SYNGR1: variants seen among roughly 807,000 people sequenced by gnomAD.
SYNGR1 encodes the protein synaptogyrin 1, also known as synaptogyrin-1.
In SYNGR1, 14 loss-of-function variants were observed where a neutral mutation model predicts 26.1. The observed-to-expected ratio is 0.54, with a 90% CI of 0.35 to 0.84. SYNGR1 has a LOEUF of 0.84. SYNGR1 is among the 40% of genes least tolerant of loss of function. SYNGR1 has a pLI of 0.01. For synonymous variants in SYNGR1, 141 were observed against 150.1 expected (o/e 0.94, Z 0.44); for missense variants, 319 against 332.9 (o/e 0.96, Z 0.33).
chr22:39,374,779 A>G (rs1925199808), intron 2 of SYNGR1: 2 of 595,238 alleles, frequency 3.4e-6, no homozygotes, highest in Admixed American at 5.9e-5. Context: ...GGGAGCGTGG[A>G]TGGGATTCTA....
chr22:39,350,494 C>G lies in SYNGR1; in HGVS notation c.99+385C>G, dbSNP rs1413622138. 6.6e-6 allele frequency among the ~76,000 whole-genome samples: 1 copy of G among 152,018 alleles called. No individual in the cohort carries two copies. The highest frequency in any genetic ancestry group is 6.6e-5 in the Admixed American group (1 of 15,264). On this transcript the variant is annotated intron_variant, in intron 1 of 3. Transcript: ENST00000328933. This position sits in a 1 kb window ranked among gnomAD's most constrained non-coding sequence, Gnocchi z 4.3. ...GGGACGGAGCCAGGGTTTAAGGTGGCCTTTTTTGGGGGGTGGATCAGGGCG... is the reference window on the plus strand; with the variant it reads ...GGGACGGAGCCAGGGTTTAAGGTGGGCTTTTTTGGGGGGTGGATCAGGGCG...
chr22:39,364,064 TGGGTCCTAGGC>T (rs1924617315), intron 1 of SYNGR1: 5 of 1,490,392 alleles, frequency 3.4e-6, no homozygotes, highest in Non-Finnish European at 4.6e-6. Context: ...CGCCCTGCAG[TGGGTCCTAGGC>T]ACACCCTGGG....
chr22:39,376,407 T>C (rs1925286765), intron 3 of SYNGR1, among the ~76,000 whole-genome samples: 1 of 152,038 alleles, frequency 6.6e-6, no homozygotes, highest in Non-Finnish European at 1.5e-5. Context: ...GCATGGTCAC[T>C]GGAGATGGCA....
chr22:39,351,342 CGAAG>C (rs1255673127), intron 1 of SYNGR1, among the ~76,000 whole-genome samples: 1 of 152,134 alleles, frequency 6.6e-6, no homozygotes, highest in East Asian at 1.9e-4. Flanking sequence ...CCCTGGTCTG[CGAAG>C]GATGACCCCA....
In SYNGR1 at chr22:39,365,844, T is replaced by TC. The variant is rs1395829724; in HGVS notation, c.100-8472_100-8471insC. 9.9e-5 allele frequency among the ~76,000 whole-genome samples: 15 copies of TC among 151,928 alleles called. 1 individual carries two copies. The highest frequency in any genetic ancestry group is 3.4e-4 in the African/African-American group (14 of 41,370). ...CCCATCTGCTCTTTTTCTTTTTTTT[T>TC]TCTTTTTCACACCTGGCTAATTTTT... On this transcript the variant is annotated intron_variant, in intron 1 of 3. Coordinates refer to ENST00000328933, the MANE Select transcript of SYNGR1 (RefSeq NM_004711.5).
chr22:39,384,353 G>T lies in SYNGR1; in HGVS notation c.*2439G>T, dbSNP rs953171788. ...AGGCCCTGCCTGCCACCCTAGGCAG[G>T]GAAAGCTGTCAAGACTCCTGCCAGG... On this transcript the variant is annotated 3_prime_UTR_variant, in exon 4 of 4. Transcript: ENST00000328933. The T allele has an allele frequency of 7.6e-6, 3 of 396,842 alleles. No individual in the cohort carries two copies. Among genetic ancestry groups the T allele is most frequent in the Non-Finnish European group, 1.3e-5 (3 of 225,374 alleles). 24.6% of individuals were successfully genotyped at this position (396,842 alleles called of 1,614,324 possible).
chr22:39,381,917 C>G lies in SYNGR1; in HGVS notation c.*3C>G. 2 of 1,605,086 alleles carry G rather than the reference C, an allele frequency of 1.2e-6. No homozygotes were observed. Among genetic ancestry groups the G allele is most frequent in the Non-Finnish European group, 1.7e-6 (2 of 1,176,344 alleles). ...GCTACCAGTCGCAGGGCTACTGAGC[C>G]ACAGTGACCGCCTGCCCCCGCCCCT... On this transcript the variant is annotated 3_prime_UTR_variant, in exon 4 of 4. Transcript: ENST00000328933.
At chr22:39,370,691 C>T (rs1451594461) in intron 1 of SYNGR1, among the ~76,000 whole-genome samples, 3 of 151,068 alleles carry the variant, frequency 2.0e-5, no homozygotes, top group Admixed American at 2.0e-4. Flanking sequence ...AATCTCAGCT[C>T]ACGGCAACCT....
chr22:39,355,891 C>T (rs576244457), intron 1 of SYNGR1, among the ~76,000 whole-genome samples: 4 of 152,200 alleles, frequency 2.6e-5, no homozygotes, highest in Non-Finnish European at 2.9e-5. Context: ...TGGTGGCACG[C>T]GTCTGTAGTC....
chr22:39,376,971 T>C, intron 3 of SYNGR1: 1 of 1,550,290 alleles, frequency 6.5e-7, no homozygotes, highest in East Asian at 2.4e-5. Flanking sequence ...TTCCCACTGG[T>C]CTGGGTCATG....
rs78665292 is a variant in SYNGR1, at chr22:39,376,075, G to A, written c.361G>A (p.Val121Met). 89 of 1,614,050 alleles carry A rather than the reference G, an allele frequency of 5.5e-5. No homozygotes were observed. Among genetic ancestry groups the A allele is most frequent in the East Asian group, 4.0e-4 (18 of 44,894 alleles). ...AGCCTTCTGGGCTTTCCTCTGGTTC[G>A]TGGGATTCTGCTACCTGGCCAACCA... is the stretch of plus-strand genomic sequence containing the variant. ...VSAFWAFLWF[V>M]GFCYLANQWQ... Residue 121 changes from valine (V) to methionine (M), a missense_variant, in exon 3 of 4, where the codon GTG becomes ATG. Val to Met is a conservative substitution (Grantham distance 21). Coordinates refer to ENST00000328933, the MANE Select transcript of SYNGR1 (RefSeq NM_004711.5).
At position 39,353,087 on chromosome 22, in the gene SYNGR1, C is replaced by A. The variant is rs370359053; in HGVS notation, c.99+2978C>A. 3.1e-3 allele frequency among the ~76,000 whole-genome samples: 470 copies of A among 152,340 alleles called. 1 individual carries two copies. The highest frequency in any genetic ancestry group is 0.011 in the African/African-American group (446 of 41,586). ...ATGTTAGCCAGGCTGGTCTCGAACT[C>A]CTGACCTCAGGTGATCCACCTGCCT... On this transcript the variant is annotated intron_variant, in intron 1 of 3. Transcript: ENST00000328933.
chr22:39,371,872 AT>A (rs1430949549), intron 1 of SYNGR1, among the ~76,000 whole-genome samples: 6 of 151,744 alleles, frequency 4.0e-5, no homozygotes, highest in Non-Finnish European at 8.8e-5. Flanking sequence ...TGTGTTAACA[AT>A]AGCTGAGCCT....
At chr22:39,374,220 G>A (rs942924051) in intron 1 of SYNGR1, 96 bp from the exon 2 acceptor site, 12 of 1,147,196 alleles carry the variant, frequency 1.0e-5, no homozygotes, top group Non-Finnish European at 1.6e-5. Flanking sequence ...GCTCACGGAG[G>A]GCCAGGCAGC....
At chr22:39,361,315 G>A (rs901148853) in intron 1 of SYNGR1, among the ~76,000 whole-genome samples, 3 of 152,024 alleles carry the variant, frequency 2.0e-5, no homozygotes, top group Non-Finnish European at 4.4e-5. Flanking sequence ...GCAGGCACTG[G>A]GGTGAGGAAA....
intron 1 of SYNGR1, among the ~76,000 whole-genome samples, chr22:39,359,296 C>T (rs562147563): frequency 6.6e-6 from 1 of 152,166 alleles, no homozygotes; most frequent in South Asian, 2.1e-4. Flanking sequence ...TCATGATGAG[C>T]CAGCTCGAGG....
At chr22:39,374,820 G>C (rs367778303) in intron 2 of SYNGR1, 16 of 538,466 alleles carry the variant, frequency 3.0e-5, no homozygotes, top group South Asian at 1.8e-4. Flanking sequence ...CCCATGGATG[G>C]CACTGGGCAT....
chr22:39,359,944 G>A (rs974936363), intron 1 of SYNGR1, among the ~76,000 whole-genome samples: 3 of 151,900 alleles, frequency 2.0e-5, no homozygotes, highest in Non-Finnish European at 4.4e-5. Flanking sequence ...TTGGGCCTGG[G>A]GCCTCTGAAC....
rs749589185 is a variant in SYNGR1 at position 39,376,126 on chromosome 22, A to G, written c.412A>G (p.Asn138Asp). The G allele has an allele frequency of 2.5e-5, 40 of 1,614,156 alleles. No individual in the cohort carries two copies. The highest frequency in any genetic ancestry group is 3.1e-5 in the Non-Finnish European group (37 of 1,180,036). The change falls in exon 3 of 4, where the codon AAC becomes GAC. Residue 138 changes from asparagine to aspartate, a missense_variant. By Grantham distance (23) the Asn-to-Asp change is conservative. Transcript: ENST00000328933. ...NQWQVSKPKD[N>D]PLNEGTDAAR... ...GTGGCAGGTCTCCAAGCCCAAGGAC[A>G]ACCCACTGAACGAAGGGACGGACGC...
Sources: gnomAD v4.1 joint callset for allele counts (sites outside exome capture counted in the v4.1 genomes callset) on GRCh38, gnomAD v4.1.1 for gene constraint, Gnocchi (gnomAD v3.1) non-coding constraint, MANE v1.5 for transcripts, NCBI Gene and HGNC (gene_info 2026-07-23, HGNC 2026-07-21) for gene names.